EYA4: variants seen among roughly 807,000 people sequenced by gnomAD.
The protein encoded by EYA4 is protein phosphatase EYA4.
EYA4 carries 31 observed loss-of-function variants against 87.9 expected under a neutral mutation model. The ratio of observed to expected loss-of-function variants is 0.35; its 90% confidence interval spans 0.27 to 0.48. The LOEUF is 0.48. Among genes scored for constraint, EYA4 ranks in the 20% least tolerant of loss-of-function variants. The probability of loss-of-function intolerance (pLI) is 0.99; values close to 1 mark genes in which losing one functional copy is unlikely to be tolerated. For synonymous variants in EYA4, 263 were observed against 270.6 expected (o/e 0.97, Z 0.28); for missense variants, 678 against 761.4 (o/e 0.89, Z 1.29).
At chr6:133,506,881 C>G (rs1798678823) in intron 14 of EYA4, among the ~76,000 whole-genome samples, 1 of 152,094 alleles carries the variant, frequency 6.6e-6, no homozygotes, top group Non-Finnish European at 1.5e-5. Flanking sequence ...TGCTAATGAC[C>G]TAGGTTATTA....
At chr6:133,415,888 G>A (rs1789670787) in intron 3 of EYA4, among the ~76,000 whole-genome samples, 2 of 152,228 alleles carry the variant, frequency 1.3e-5, no homozygotes, top group African/African-American at 2.4e-5. Context: ...GGCAATAGTA[G>A]AGATATGTAT....
At chr6:133,303,842 A>C (rs1311331895) in intron 2 of EYA4, among the ~76,000 whole-genome samples, 3 of 152,132 alleles carry the variant, frequency 2.0e-5, no homozygotes, top group Non-Finnish European at 4.4e-5. Flanking sequence ...TGGTTCCGTT[A>C]GTACTTTGTT....
chr6:133,374,213 ACC>A (rs1562345257), intron 2 of EYA4, among the ~76,000 whole-genome samples: 24 of 152,184 alleles, frequency 1.6e-4, no homozygotes, highest in Non-Finnish European at 3.2e-4. Context: ...AATATATTCA[ACC>A]TTGCTATGAA....
At chr6:133,515,622 A>AGTGTGTGTGT (rs72318662) in intron 17 of EYA4, among the ~76,000 whole-genome samples, 187 bp downstream of exon 17, 1 of 146,636 alleles carries the variant, frequency 6.8e-6, no homozygotes, top group African/African-American at 2.5e-5. Flanking sequence ...TGTGTGTGTG[A>AGTGTGTGTGT]GTGTGTGTGT....
chr6:133,490,190 G>A (rs993161674), intron 13 of EYA4, among the ~76,000 whole-genome samples: 1 of 151,674 alleles, frequency 6.6e-6, no homozygotes, highest in Non-Finnish European at 1.5e-5. Context: ...AAAATACAAA[G>A]CAAGAAATTA....
chr6:133,340,318 C>T (rs1474485898), intron 2 of EYA4, among the ~76,000 whole-genome samples: 1 of 152,158 alleles, frequency 6.6e-6, no homozygotes, highest in East Asian at 1.9e-4. Flanking sequence ...TGGACTATCC[C>T]TCTGAATGCA....
chr6:133,440,982 T>C (rs1792219669), intron 3 of EYA4, among the ~76,000 whole-genome samples: 1 of 152,240 alleles, frequency 6.6e-6, no homozygotes, highest in Admixed American at 6.5e-5. Context: ...CTGATGTGTT[T>C]AGCTGTGGTT....
intron 2 of EYA4, among the ~76,000 whole-genome samples, chr6:133,313,573 C>T (rs1255903162): frequency 6.6e-6 from 1 of 151,998 alleles, no homozygotes; most frequent in Non-Finnish European, 1.5e-5. Context: ...AAAATCTGTG[C>T]GAGGTTAGTT....
chr6:133,525,092 G>C (rs1335924640), intron 18 of EYA4, 62 bp from the exon 19 acceptor site: 1 of 1,613,660 alleles, frequency 6.2e-7, no homozygotes, highest in South Asian at 1.1e-5. Flanking sequence ...AGATGGCCGA[G>C]ATGAGGAGCA....
chr6:133,317,825 A>G (rs1346336934), intron 2 of EYA4, among the ~76,000 whole-genome samples: 2 of 148,026 alleles, frequency 1.4e-5, no homozygotes, highest in African/African-American at 5.0e-5. Flanking sequence ...ATCCATCCCT[A>G]GATTCACCAG....
At chr6:133,449,006 T>A (rs1393685992) in intron 5 of EYA4, among the ~76,000 whole-genome samples, 1 of 152,224 alleles carries the variant, frequency 6.6e-6, no homozygotes, top group Non-Finnish European at 1.5e-5. Flanking sequence ...AAAAACTACT[T>A]CAATATGCTC....
chr6:133,407,256 T>G (rs1284702782), intron 3 of EYA4, among the ~76,000 whole-genome samples: 7 of 151,554 alleles, frequency 4.6e-5, no homozygotes, highest in Non-Finnish European at 8.8e-5. Context: ...CTAGGGTTTT[T>G]TTTTTTTTTT....
At chr6:133,337,338 A>C (rs1782445089) in intron 2 of EYA4, among the ~76,000 whole-genome samples, 1 of 151,572 alleles carries the variant, frequency 6.6e-6, no homozygotes, top group South Asian at 2.1e-4. Flanking sequence ...GAAATGAATA[A>C]ATTTTAGGTG....
At chr6:133,378,789 A>G (rs1562350256) in intron 2 of EYA4, among the ~76,000 whole-genome samples, 1 of 152,030 alleles carries the variant, frequency 6.6e-6, no homozygotes, top group African/African-American at 2.4e-5. Flanking sequence ...TAAAATAGTT[A>G]AATATTTAAC....
intron 2 of EYA4, among the ~76,000 whole-genome samples, chr6:133,378,026 A>G (rs1785853296): frequency 6.6e-6 from 1 of 152,032 alleles, no homozygotes; most frequent in Non-Finnish European, 1.5e-5. Context: ...AGTGATGGAT[A>G]TGTTCACAGC....
chr6:133,403,902 C>CT lies in EYA4; in HGVS notation c.83+21461_83+21462insT, dbSNP rs1562380141. On this transcript the variant is annotated intron_variant, in intron 3 of 19. Transcript: ENST00000355286. ...TTTGGCTCACCACAACCTCTGCCCC[C>CT]AGAGTTCAAGCAATTCTCCTGCCTC... Among the ~76,000 whole-genome samples the CT allele has an allele frequency of 1.9e-4, 29 of 152,278 alleles. 1 individual carries two copies. Among genetic ancestry groups the CT allele is most frequent in the African/African-American group, 7.0e-4 (29 of 41,530 alleles).
At chr6:133,275,172 A>G (rs1448184029) in intron 2 of EYA4, among the ~76,000 whole-genome samples, 2 of 152,162 alleles carry the variant, frequency 1.3e-5, no homozygotes, top group African/African-American at 4.8e-5. Context: ...ATAAAAGGAG[A>G]AAGTATATTA....
chr6:133,393,764 C>A (rs993861355), intron 3 of EYA4, among the ~76,000 whole-genome samples: 1 of 152,184 alleles, frequency 6.6e-6, no homozygotes, highest in African/African-American at 2.4e-5. Context: ...GTCACTGCTA[C>A]AAGATGGGGC....
intron 13 of EYA4, among the ~76,000 whole-genome samples, chr6:133,491,625 C>T (rs1306692043): frequency 1.3e-5 from 2 of 151,894 alleles, no homozygotes; most frequent in African/African-American, 4.8e-5. Flanking sequence ...GTGAACACAC[C>T]AATAACAAGT....
Sources: gnomAD v4.1 joint callset for allele counts (sites outside exome capture counted in the v4.1 genomes callset) on GRCh38, gnomAD v4.1.1 for gene constraint, MANE v1.5 for transcripts, NCBI Gene and HGNC (gene_info 2026-07-23, HGNC 2026-07-21) for gene names.